EEF2: variants seen among roughly 807,000 people sequenced by gnomAD.
The protein encoded by EEF2 is elongation factor 2.
EEF2 carries 21 observed loss-of-function variants against 85.3 expected under a neutral mutation model. The ratio of observed to expected loss-of-function variants is 0.25; its 90% CI spans 0.17 to 0.35. The LOEUF is 0.35. EEF2 is among the 10% of genes least tolerant of loss of function. The pLI is 1.00. For missense variants in EEF2, 825 were observed against 1,225.3 expected, an observed-to-expected ratio of 0.67 and a Z score of 4.88; for synonymous variants, 723 against 508.8, an observed-to-expected ratio of 1.42 and a Z score of -5.67.
Position 3,982,065 on chromosome 19 carries a change from G to A in EEF2, c.792-13C>T, listed in dbSNP as rs1316295394. 1 of 1,613,688 alleles carries A rather than the reference G, an allele frequency of 6.2e-7. No individual in the cohort carries two copies. Among genetic ancestry groups the A allele is most frequent in the East Asian group, 2.2e-5 (1 of 44,892 alleles). The stretch of plus-strand genomic sequence containing the variant: ...TGGGTCAAAGTACCTGGCAAGGAGA[G>A]GCCAAGCCAAATCAAGTTAGGGTCT... On this transcript the variant is annotated splice_polypyrimidine_tract_variant and intron_variant, in intron 5 of 14. Coordinates refer to ENST00000309311, the MANE Select transcript of EEF2 (RefSeq NM_001961.4).
At chr19:3,984,691 C>T (rs1188031073) in intron 1 of EEF2, 1 of 230,696 alleles carries the variant, frequency 4.3e-6, no homozygotes, top group Non-Finnish European at 8.6e-6. Context: ...CTAAAGCCCC[C>T]TCCACGTTGT....
rs1444018681 is a variant in EEF2 at position 3,980,602 on chromosome 19, G to A, written c.1258C>T (p.Leu420=). Residue 420 remains leucine, a synonymous_variant, in exon 9 of 15, where the codon CTG becomes TTG. Transcript: ENST00000309311. ...CTGACCTTCAGGCCAGTGGAGACCA[G>A]CCCCGAGAAGACTCGTCCAAAGGCG... ...FYAFGRVFSG[L]VSTGLKVRIM... 3.1e-6 allele frequency: 5 copies of A among 1,614,122 alleles called. No individual in the cohort carries two copies. Among genetic ancestry groups the A allele is most frequent in the Admixed American group, 3.3e-5 (2 of 60,014 alleles).
intron 11 of EEF2, among the ~76,000 whole-genome samples, chr19:3,979,001 G>A (rs532682920): frequency 2.0e-5 from 3 of 151,760 alleles, no homozygotes; most frequent in African/African-American, 7.2e-5. Context: ...GGTAGCACGC[G>A]CCTGTAGTCC....
intron 4 of EEF2, 66 bp from the exon 5 acceptor site, chr19:3,982,490 G>T: frequency 6.3e-7 from 1 of 1,596,314 alleles, no homozygotes; most frequent in Non-Finnish European, 8.6e-7. Context: ...CTACGGGCTG[G>T]GCGCCTTGGG....
chr19:3,980,669 A>G lies in EEF2; in HGVS notation c.1191T>C (p.Tyr397=), dbSNP rs1272766951. 6.2e-7 allele frequency: 1 copy of G among 1,614,188 alleles called. No individual in the cohort carries two copies. Among genetic ancestry groups the G allele is most frequent in the Non-Finnish European group, 8.5e-7 (1 of 1,180,036 alleles). ...SCDPKGPLMM[Y]ISKMVPTSDK... Reference sequence around the variant, plus strand: ...CGGAGGTTGGCACCATTTTGGAAATATACATCATAAGAGGGCCTTTGGGGT... The same window carrying G: ...CGGAGGTTGGCACCATTTTGGAAATGTACATCATAAGAGGGCCTTTGGGGT... Residue 397 remains tyrosine, a synonymous_variant, in exon 9 of 15, where the codon TAT becomes TAC. Coordinates refer to ENST00000309311, the MANE Select transcript of EEF2 (RefSeq NM_001961.4).
At chr19:3,978,304 G>A in intron 11 of EEF2, 132 bp from the exon 12 acceptor site, 1 of 741,574 alleles carries the variant, frequency 1.3e-6, no homozygotes, top group Non-Finnish European at 2.0e-6. Flanking sequence ...TCAGAACGAA[G>A]CGGAGTCAGT....
At chr19:3,979,714 T>C in intron 10 of EEF2, 94 bp downstream of exon 10, 2 of 1,527,554 alleles carry the variant, frequency 1.3e-6, no homozygotes, top group Non-Finnish European at 1.8e-6. Context: ...GTCACCCCAA[T>C]CCACCAACCA....
rs367708754 is a variant in EEF2, at chr19:3,984,353, G to T, written c.4-3C>A. The stretch of plus-strand genomic sequence containing the variant: ...ATCTGGTCTACCGTGAAGTTCACCT[G>T]GGCAAGACAAGGAGGCTCAGACCAG... On this transcript the variant is annotated splice_region_variant and splice_polypyrimidine_tract_variant and intron_variant, in intron 1 of 14. Coordinates refer to ENST00000309311, the MANE Select transcript of EEF2 (RefSeq NM_001961.4). The T allele has an allele frequency of 1.2e-6, 2 of 1,613,800 alleles. No homozygotes were observed. Among genetic ancestry groups the T allele is most frequent in the Admixed American group, 1.7e-5 (1 of 60,026 alleles).
rs1294875591 is a variant in EEF2, at chr19:3,983,325, A to G, written c.219-34T>C. 4 of 1,600,792 alleles carry G rather than the reference A, an allele frequency of 2.5e-6. No homozygotes were observed. In the South Asian group the frequency reaches 3.3e-5, roughly 13 times the overall value. On this transcript the variant is annotated intron_variant, in intron 2 of 14. Transcript: ENST00000309311. Reference sequence around the variant, plus strand: ...GGGAGGGACTCGTCAGGGGGACAGGAGCCACACACCTGGCCCAGGGAGTCT... The same window carrying G: ...GGGAGGGACTCGTCAGGGGGACAGGGGCCACACACCTGGCCCAGGGAGTCT...
chr19:3,981,073 A>G, intron 7 of EEF2, 94 bp from the exon 8 acceptor site: 1 of 1,486,306 alleles, frequency 6.7e-7, no homozygotes, highest in African/African-American at 1.4e-5. Flanking sequence ...AGGAAGCCAA[A>G]GTCAGGACTA....
chr19:3,983,400 G>C (rs1312459775), intron 2 of EEF2, 109 bp from the exon 3 acceptor site: 16 of 1,252,088 alleles, frequency 1.3e-5, no homozygotes, highest in African/African-American at 1.5e-5. Context: ...CTCATCCCTG[G>C]AGAGGCTCCC....
intron 4 of EEF2, 120 bp downstream of exon 4, chr19:3,982,687 T>C: frequency 8.2e-7 from 1 of 1,223,596 alleles, no homozygotes; most frequent in South Asian, 1.4e-5. Context: ...CCCCCTTCTC[T>C]GTCACCCAAC....
At chr19:3,979,253 T>TAGCTC (rs1238011312) in intron 11 of EEF2, 76 bp downstream of exon 11, 7 of 1,189,004 alleles carry the variant, frequency 5.9e-6, no homozygotes, top group Non-Finnish European at 8.7e-6. Flanking sequence ...CTGCAGAGCC[T>TAGCTC]AGCTCAGCTC....
Position 3,977,403 on chromosome 19 carries a change from TC to T in EEF2, c.2250+24del, listed in dbSNP as rs1230517906. On this transcript the variant is annotated intron_variant, in intron 13 of 14. Coordinates refer to ENST00000309311, the MANE Select transcript of EEF2 (RefSeq NM_001961.4). This position sits in a 1 kb window ranked among gnomAD's most constrained non-coding sequence, Gnocchi z 5.4. ...GCCGCTGGGCAGGACGGTGGCAGGG[TC>T]AGCGGTGGGCGGGTAGACCTCACCT... The T allele has an allele frequency of 6.3e-7, 1 of 1,588,920 alleles. No homozygotes were observed. Among genetic ancestry groups the T allele is most frequent in the African/African-American group, 1.3e-5 (1 of 74,766 alleles).
intron 4 of EEF2, 57 bp downstream of exon 4, chr19:3,982,750 C>T: frequency 6.4e-7 from 1 of 1,550,654 alleles, no homozygotes; most frequent in Non-Finnish European, 8.7e-7. Flanking sequence ...CCACTCCCCA[C>T]CGGCTCCTGC....
chr19:3,981,310 C>T, intron 7 of EEF2, 29 bp downstream of exon 7: 7 of 1,605,346 alleles, frequency 4.4e-6, no homozygotes, highest in Non-Finnish European at 5.1e-6. Context: ...TGTGTTCCCT[C>T]CACCCCGAGG....
At chr19:3,978,211 A>T (rs2039700783) in intron 11 of EEF2, 39 bp from the exon 12 acceptor site, 1 of 1,430,032 alleles carries the variant, frequency 7.0e-7, no homozygotes, top group South Asian at 1.6e-5. Context: ...GCCTGGAGAA[A>T]GAGGTGACCT....
At chr19:3,981,018 G>A in intron 7 of EEF2, 39 bp from the exon 8 acceptor site, 1 of 1,545,708 alleles carries the variant, frequency 6.5e-7, no homozygotes, top group South Asian at 1.2e-5. Flanking sequence ...CACCTGGGGA[G>A]CCCAGGATGG....
intron 11 of EEF2, among the ~76,000 whole-genome samples, chr19:3,978,831 A>AAAAAAAAAAAG (rs1568199563): frequency 3.8e-5 from 5 of 131,886 alleles, no homozygotes; most frequent in Non-Finnish European, 8.0e-5. Flanking sequence ...AAAAAAAAAA[A>AAAAAAAAAAAG]TAGCCCTGGG....
Sources: allele counts gnomAD v4.1 joint callset (sites outside exome capture counted in the v4.1 genomes callset), GRCh38; gene constraint gnomAD v4.1.1; non-coding constraint Gnocchi (gnomAD v3.1); transcripts MANE v1.5; gene names NCBI Gene and HGNC (gene_info 2026-07-23, HGNC 2026-07-21).